The following MRPL48 variants were observed in gnomAD, a reference collection of about 807,000 sequenced individuals.
The protein encoded by MRPL48 is large ribosomal subunit protein mL48.
A neutral mutation model predicts 32.9 loss-of-function variants in MRPL48; 16 were observed. That is an observed-to-expected ratio of 0.49 (90% CI 0.33 to 0.74). The LOEUF is 0.74. Among genes scored for constraint, MRPL48 ranks in the 30% least tolerant of loss-of-function variants. MRPL48 has a pLI of 0.02. For missense variants in MRPL48, 206 were observed against 245.3 expected, an observed-to-expected ratio of 0.84 and a Z score of 1.07; for synonymous variants, 94 against 89.2, an observed-to-expected ratio of 1.05 and a Z score of -0.31.
At chr11:73,810,502 CAA>C (rs1357331407) in intron 3 of MRPL48, among the ~76,000 whole-genome samples, 1 of 151,328 alleles carries the variant, frequency 6.6e-6, no homozygotes, top group East Asian at 1.9e-4. Context: ...GCCTGGGCAA[CAA>C]GAGCGAAACT....
intron 4 of MRPL48, among the ~76,000 whole-genome samples, chr11:73,828,661 G>A (rs1038423417): frequency 2.0e-5 from 3 of 152,074 alleles, no homozygotes; most frequent in Middle Eastern, 3.4e-3. Context: ...GATACAAAGC[G>A]CTATTAAAAT....
At chr11:73,823,484 A>T (rs1947820197) in intron 3 of MRPL48, among the ~76,000 whole-genome samples, 1 of 152,158 alleles carries the variant, frequency 6.6e-6, no homozygotes, top group East Asian at 1.9e-4. Context: ...AAATTTGGTG[A>T]AAGTAACCAG....
intron 4 of MRPL48, among the ~76,000 whole-genome samples, chr11:73,833,775 A>G (rs1948037859): frequency 1.3e-5 from 2 of 152,150 alleles, no homozygotes; most frequent in African/African-American, 4.8e-5. Flanking sequence ...CTCAGGCTCA[A>G]GTGATCTTCT....
At chr11:73,809,159 AAG>A (rs955692399) in intron 3 of MRPL48, among the ~76,000 whole-genome samples, 1 of 151,992 alleles carries the variant, frequency 6.6e-6, no homozygotes, top group African/African-American at 2.4e-5. Flanking sequence ...ATTTAAAAAA[AAG>A]AGGATAATTG....
chr11:73,862,059 G>A (rs568785576), intron 6 of MRPL48, among the ~76,000 whole-genome samples: 15 of 152,294 alleles, frequency 9.8e-5, no homozygotes, highest in Non-Finnish European at 1.8e-4. Context: ...AGAACAAGGC[G>A]GGCGGATCAC....
chr11:73,858,341 A>G (rs1468542975), intron 5 of MRPL48, among the ~76,000 whole-genome samples: 1 of 152,258 alleles, frequency 6.6e-6, no homozygotes, highest in Non-Finnish European at 1.5e-5. Flanking sequence ...TCATTACAAC[A>G]ACTCTGTGAA....
intron 3 of MRPL48, 118 bp downstream of exon 3, chr11:73,808,468 C>T: frequency 1.0e-6 from 1 of 966,430 alleles, no homozygotes. Context: ...TGAACCAAAC[C>T]CCACCCCTCC....
At chr11:73,852,197 G>A (rs1948404942) in intron 5 of MRPL48, among the ~76,000 whole-genome samples, 1 of 152,034 alleles carries the variant, frequency 6.6e-6, no homozygotes, top group African/African-American at 2.4e-5. Context: ...TTAGTGACTG[G>A]TTGCACATTT....
At chr11:73,810,667 C>T (rs775463399) in intron 3 of MRPL48, among the ~76,000 whole-genome samples, 7 of 151,474 alleles carry the variant, frequency 4.6e-5, no homozygotes, top group Non-Finnish European at 7.4e-5. Context: ...ATCAACCCAT[C>T]ACCTACATTA....
At chr11:73,789,082 G>A (rs1042569252) in intron 1 of MRPL48, among the ~76,000 whole-genome samples, 1 of 152,112 alleles carries the variant, frequency 6.6e-6, no homozygotes, top group Non-Finnish European at 1.5e-5. Flanking sequence ...GAGGGCCCAC[G>A]CCTCACTTCA....
At chr11:73,810,986 A>C (rs899759916) in intron 3 of MRPL48, among the ~76,000 whole-genome samples, 6 of 152,220 alleles carry the variant, frequency 3.9e-5, no homozygotes, top group Non-Finnish European at 7.3e-5. Flanking sequence ...TCACTTAAGG[A>C]GAAAAGGTGG....
intron 1 of MRPL48, among the ~76,000 whole-genome samples, chr11:73,790,688 A>G (rs1208132051): frequency 1.3e-5 from 2 of 151,116 alleles, no homozygotes; most frequent in African/African-American, 2.4e-5. Context: ...CTGGCCGCTC[A>G]GCTAATTTTT....
intron 3 of MRPL48, among the ~76,000 whole-genome samples, chr11:73,822,709 C>T (rs1466689352): frequency 6.6e-6 from 1 of 152,086 alleles, no homozygotes; most frequent in Non-Finnish European, 1.5e-5. Context: ...GATCAGGAAT[C>T]CCCAAACCCC....
chr11:73,853,689 T>C (rs1323972553), intron 5 of MRPL48, among the ~76,000 whole-genome samples: 1 of 133,614 alleles, frequency 7.5e-6, no homozygotes, highest in African/African-American at 2.8e-5. Context: ...TCTTTTTTTT[T>C]TTTTTTTTTT....
At chr11:73,812,736 ATATATT>A (rs1299194502) in intron 3 of MRPL48, among the ~76,000 whole-genome samples, 2 of 138,880 alleles carry the variant, frequency 1.4e-5, no homozygotes, top group African/African-American at 5.3e-5. Context: ...ATATATATAT[ATATATT>A]TATTTATTTA....
chr11:73,844,788 CTCTT>C lies in MRPL48; in HGVS notation c.202-17_202-14del. 4 of 1,602,254 alleles carry C rather than the reference CTCTT, an allele frequency of 2.5e-6. No homozygotes were observed. Among genetic ancestry groups the C allele is most frequent in the African/African-American group, 2.7e-5 (2 of 74,172 alleles). On this transcript the variant is annotated splice_polypyrimidine_tract_variant and intron_variant, in intron 4 of 7. Transcript: ENST00000310614. The stretch of plus-strand genomic sequence containing the variant: ...TTGTATAATACTTTATTTTCTTTCT[CTCTT>C]TGTTTTCTCTTCAGCCCAAGAAGAA...
intron 1 of MRPL48, among the ~76,000 whole-genome samples, chr11:73,799,367 G>A (rs1947315306): frequency 6.6e-6 from 1 of 151,960 alleles, no homozygotes; most frequent in African/African-American, 2.4e-5. Context: ...CAAAAGAATT[G>A]GAATATAGAT....
intron 4 of MRPL48, among the ~76,000 whole-genome samples, chr11:73,830,053 T>C (rs1792184): frequency 0.51 from 77,466 of 152,028 alleles, 20,914 homozygotes; most frequent in African/African-American, 0.7. Context: ...TGAGCCACCG[T>C]ACCTGGCCTT....
chr11:73,847,672 C>G (rs182360335), intron 5 of MRPL48, among the ~76,000 whole-genome samples: 4 of 152,136 alleles, frequency 2.6e-5, no homozygotes, highest in African/African-American at 7.2e-5. Flanking sequence ...TCTCAATCTC[C>G]TGACCTCGTG....
Sources: allele counts gnomAD v4.1 joint callset (sites outside exome capture counted in the v4.1 genomes callset), GRCh38; gene constraint gnomAD v4.1.1; transcripts MANE v1.5; gene names NCBI Gene and HGNC (gene_info 2026-07-23, HGNC 2026-07-21).